The following TUSC3 variants were observed in gnomAD, a reference collection of about 807,000 sequenced individuals.
The protein encoded by TUSC3 is tumor suppressor candidate 3.
A neutral mutation model predicts 44.8 loss-of-function variants in TUSC3; 45 were observed. The ratio of observed to expected loss-of-function variants is 1.00; its 90% CI spans 0.79 to 1.29. The LOEUF is 1.29. Ranked by LOEUF, TUSC3 falls within the 50% of genes most tolerant of loss-of-function variation. TUSC3 has a pLI of 0.00. For missense variants in TUSC3, 519 were observed against 437.9 expected (o/e 1.19, Z -1.65); for synonymous variants, 212 against 152.9 (o/e 1.39, Z -2.85).
chr8:15,650,560 T>A (rs970961222), intron 2 of TUSC3, 137 bp from the exon 3 acceptor site: 3 of 683,740 alleles, frequency 4.4e-6, no homozygotes, highest in Admixed American at 2.5e-5. Context: ...TAAAAAAAAA[T>A]ATTTTAAAAA....
the TUSC3 span, among the ~76,000 whole-genome samples, chr8:15,822,684 G>A: frequency 6.6e-6 from 1 of 152,106 alleles, no homozygotes. Context: ...CAGCAAAGGG[G>A]ACAGAGAAGG....
At chr8:15,461,439 G>A (rs1026430972) in intron 1 of TUSC3, among the ~76,000 whole-genome samples, 1 of 152,012 alleles carries the variant, frequency 6.6e-6, no homozygotes, top group Non-Finnish European at 1.5e-5. Flanking sequence ...TTCTGGTGGA[G>A]TCTTTAGGTT....
At chr8:15,504,234 C>A (rs145748972) in intron 2 of TUSC3, among the ~76,000 whole-genome samples, 2 of 152,038 alleles carry the variant, frequency 1.3e-5, no homozygotes, top group East Asian at 3.9e-4. Context: ...TTGAGAGCCT[C>A]CGTTTCCTCA....
At chr8:15,713,400 A>G (rs1374713255) in intron 6 of TUSC3, among the ~76,000 whole-genome samples, 2 of 152,160 alleles carry the variant, frequency 1.3e-5, no homozygotes, top group East Asian at 3.8e-4. Context: ...ATTGTTCAAA[A>G]GAAAGCTGAC....
At chr8:15,829,268 T>C in the TUSC3 span, among the ~76,000 whole-genome samples, 1 of 152,310 alleles carries the variant, frequency 6.6e-6, no homozygotes, top group African/African-American at 2.4e-5. Flanking sequence ...TCAATTTATC[T>C]TTTTGAGCAT....
chr8:15,844,175 A>G, the TUSC3 span, among the ~76,000 whole-genome samples: 1 of 152,252 alleles, frequency 6.6e-6, no homozygotes, highest in East Asian at 1.9e-4. Flanking sequence ...GGCAAAAAAA[A>G]TATCTCTTTG....
intron 6 of TUSC3, among the ~76,000 whole-genome samples, chr8:15,723,422 A>G (rs1182788945): frequency 2.0e-5 from 3 of 152,182 alleles, no homozygotes; most frequent in African/African-American, 7.2e-5. Context: ...GAAGCCAAAT[A>G]TTTAATGAAG....
chr8:15,573,205 T>TCTCA (rs1802954698), intron 1 of TUSC3, among the ~76,000 whole-genome samples: 1 of 65,108 alleles, frequency 1.5e-5, no homozygotes, highest in Admixed American at 1.7e-4. Context: ...TCTCTCTCTA[T>TCTCA]ATATATATAT....
intron 1 of TUSC3, among the ~76,000 whole-genome samples, chr8:15,561,236 G>A (rs1308020537): frequency 6.9e-6 from 1 of 143,900 alleles, no homozygotes; most frequent in Non-Finnish European, 1.5e-5. Context: ...AGGACCCTCA[G>A]CTGCAGGTCT....
chr8:15,564,174 A>G (rs1802581541), intron 1 of TUSC3, among the ~76,000 whole-genome samples: 1 of 152,174 alleles, frequency 6.6e-6, no homozygotes. Context: ...TGGCACTTCA[A>G]AAATCATTAG....
At chr8:15,702,486 A>G (rs376796534) in intron 6 of TUSC3, among the ~76,000 whole-genome samples, 2 of 152,204 alleles carry the variant, frequency 1.3e-5, no homozygotes, top group African/African-American at 2.4e-5. Context: ...ATACCTTCCA[A>G]GGTTCTCATA....
At chr8:15,689,496 C>A in intron 6 of TUSC3, 1 of 172,752 alleles carries the variant, frequency 5.8e-6, no homozygotes, top group South Asian at 1.1e-4. Context: ...GCCAGCCACT[C>A]CGTTCCCCAG....
chr8:15,738,968 C>T (rs1456500704), intron 7 of TUSC3, among the ~76,000 whole-genome samples: 1 of 150,994 alleles, frequency 6.6e-6, no homozygotes, highest in Non-Finnish European at 1.5e-5. Flanking sequence ...GAGCAGCTGG[C>T]ACCACAGGCA....
chr8:15,421,631 G>C (rs1182874820), intron 1 of TUSC3, among the ~76,000 whole-genome samples: 1 of 152,094 alleles, frequency 6.6e-6, no homozygotes, highest in Non-Finnish European at 1.5e-5. Flanking sequence ...CCAAACAGAA[G>C]GGAATTTTTG....
chr8:15,486,879 C>T (rs1456823887), intron 2 of TUSC3, among the ~76,000 whole-genome samples: 1 of 152,182 alleles, frequency 6.6e-6, no homozygotes, highest in Non-Finnish European at 1.5e-5. Context: ...CCTGCATATG[C>T]AGTAATAGCA....
chr8:15,512,870 GTGTA>G (rs1464592858), intron 2 of TUSC3, among the ~76,000 whole-genome samples: 5 of 101,212 alleles, frequency 4.9e-5, no homozygotes, highest in Non-Finnish European at 1.0e-4. Flanking sequence ...ATATATGTGT[GTGTA>G]TATATATATA....
At chr8:15,778,742 C>T in the TUSC3 span, among the ~76,000 whole-genome samples, 1 of 152,074 alleles carries the variant, frequency 6.6e-6, no homozygotes, top group Non-Finnish European at 1.5e-5. Context: ...AGAGAAAGGG[C>T]CCTATTACTG....
the TUSC3 span, among the ~76,000 whole-genome samples, chr8:15,831,836 A>G: frequency 6.6e-6 from 1 of 152,186 alleles, no homozygotes; most frequent in South Asian, 2.1e-4. Flanking sequence ...TCTGAAAGAG[A>G]TGGAGAGAGT....
the TUSC3 span, among the ~76,000 whole-genome samples, chr8:15,828,315 C>T: frequency 2.6e-5 from 4 of 152,160 alleles, no homozygotes; most frequent in African/African-American, 9.7e-5. Flanking sequence ...TTTTAATCTA[C>T]AGTTTGTAGA....
Sources: gnomAD v4.1 joint callset for allele counts (sites outside exome capture counted in the v4.1 genomes callset) on GRCh38, gnomAD v4.1.1 for gene constraint, MANE v1.5 for transcripts, NCBI Gene and HGNC (gene_info 2026-07-23, HGNC 2026-07-21) for gene names.